The following SLC9C2 variants were observed in gnomAD, a reference collection of about 807,000 sequenced individuals.
The protein encoded by SLC9C2 is sodium/hydrogen exchanger 11.
In SLC9C2, 75 loss-of-function variants were observed where a neutral mutation model predicts 140.2. That is an observed-to-expected ratio of 0.53 (90% CI 0.44 to 0.65). SLC9C2 has a LOEUF of 0.65. Ranked by LOEUF, SLC9C2 falls within the 30% of genes least tolerant of loss-of-function variation. The pLI, the probability that SLC9C2 is intolerant of heterozygous loss-of-function variation, is 0.00. For missense variants in SLC9C2, 1,074 were observed against 1,331.8 expected (o/e 0.81, Z 3.01); for synonymous variants, 375 against 420.9 (o/e 0.89, Z 1.34).
chr1:173,548,680 G>C, intron 11 of SLC9C2, 128 bp from the exon 12 acceptor site: 2 of 963,900 alleles, frequency 2.1e-6, no homozygotes, highest in South Asian at 1.6e-5. Flanking sequence ...TTAGAGCAAG[G>C]ACAATTTTTC....
chr1:173,551,770 A>G (rs1157246773), intron 11 of SLC9C2, among the ~76,000 whole-genome samples: 2 of 152,232 alleles, frequency 1.3e-5, no homozygotes, highest in African/African-American at 4.8e-5. Flanking sequence ...CTATTCCCTG[A>G]GACACACAGT....
At chr1:173,513,415 T>C (rs1660185993) in intron 23 of SLC9C2, among the ~76,000 whole-genome samples, 1 of 152,224 alleles carries the variant, frequency 6.6e-6, no homozygotes, top group Non-Finnish European at 1.5e-5. Context: ...TCCAAGAATT[T>C]ACCCTTTTCT....
At chr1:173,551,121 C>A (rs1248153209) in intron 11 of SLC9C2, among the ~76,000 whole-genome samples, 1 of 152,130 alleles carries the variant, frequency 6.6e-6, no homozygotes, top group Non-Finnish European at 1.5e-5. Flanking sequence ...AACACCCAAG[C>A]AGAGCAGTGT....
intron 26 of SLC9C2, among the ~76,000 whole-genome samples, chr1:173,504,983 TG>T (rs1241178265): frequency 6.6e-6 from 1 of 151,936 alleles, no homozygotes; most frequent in Non-Finnish European, 1.5e-5. Flanking sequence ...AGCAACAGAG[TG>T]CATTGCAGAA....
chr1:173,554,686 T>A (rs1663549399), intron 11 of SLC9C2, 47 bp downstream of exon 11: 1 of 1,202,666 alleles, frequency 8.3e-7, no homozygotes, highest in Non-Finnish European at 1.2e-6. Flanking sequence ...AATAACCTGT[T>A]TGTATTATTC....
chr1:173,507,166 CAACA>C (rs1184920452), intron 24 of SLC9C2, 125 bp from the exon 25 acceptor site: 1 of 722,764 alleles, frequency 1.4e-6, no homozygotes. Context: ...CCCCTGGCAC[CAACA>C]GACAGGATTT....
chr1:173,553,187 A>G (rs1465576984), intron 11 of SLC9C2, among the ~76,000 whole-genome samples: 2 of 152,228 alleles, frequency 1.3e-5, no homozygotes, highest in East Asian at 3.8e-4. Context: ...TAAAACTTGC[A>G]TGGATGAGGA....
rs544876349 is a variant in SLC9C2, at chr1:173,520,229, G to A, written c.2739+1072C>T. 1.2e-4 allele frequency among the ~76,000 whole-genome samples: 18 copies of A among 152,212 alleles called. 1 individual carries two copies. The highest frequency in any genetic ancestry group is 3.1e-4 in the African/African-American group (13 of 41,532). On this transcript the variant is annotated intron_variant, in intron 22 of 27. Coordinates refer to ENST00000367714, the MANE Select transcript of SLC9C2 (RefSeq NM_178527.4). ...ATTATAGACATATGCCACCATGCCC[G>A]GCTAATTTGTGTATTTTTAGTAGAG...
At chr1:173,506,737 A>G in intron 25 of SLC9C2, 119 bp downstream of exon 25, 2 of 786,912 alleles carry the variant, frequency 2.5e-6, no homozygotes, top group Admixed American at 3.0e-5. Context: ...GTAAAAGGCA[A>G]GTAAGAACTA....
intron 13 of SLC9C2, 48 bp downstream of exon 13, chr1:173,547,641 G>C (rs756086149): frequency 1.5e-5 from 21 of 1,391,652 alleles, no homozygotes. Context: ...AAGGATCAAA[G>C]ACATTGCAAG....
chr1:173,560,069 T>C (rs192986857), intron 9 of SLC9C2, among the ~76,000 whole-genome samples: 52 of 152,334 alleles, frequency 3.4e-4, no homozygotes, highest in African/African-American at 1.2e-3. Flanking sequence ...AAGCCTGGCT[T>C]TCAGAACTGT....
chr1:173,576,806 A>G, intron 7 of SLC9C2, 46 bp from the exon 8 acceptor site: 1 of 1,128,606 alleles, frequency 8.9e-7, no homozygotes, highest in Admixed American at 2.1e-5. Context: ...ATGTATTCAT[A>G]TCTGCACACT....
chr1:173,524,992 A>G, intron 19 of SLC9C2, 65 bp from the exon 20 acceptor site: 2 of 1,441,596 alleles, frequency 1.4e-6, no homozygotes, highest in South Asian at 1.4e-5. Flanking sequence ...TAATATTAGT[A>G]TAATACTGTA....
At chr1:173,568,886 T>C (rs1664668493) in intron 9 of SLC9C2, among the ~76,000 whole-genome samples, 1 of 152,224 alleles carries the variant, frequency 6.6e-6, no homozygotes, top group African/African-American at 2.4e-5. Flanking sequence ...TGTGTGTACC[T>C]ACTATTACCA....
chr1:173,554,658 G>A (rs2102087972), intron 11 of SLC9C2, 75 bp downstream of exon 11: 2 of 882,806 alleles, frequency 2.3e-6, no homozygotes, highest in Middle Eastern at 4.4e-4. Context: ...CATGAGAAAT[G>A]TCCCCATGAC....
At chr1:173,507,902 T>G (rs1659770564) in intron 24 of SLC9C2, among the ~76,000 whole-genome samples, 1 of 152,146 alleles carries the variant, frequency 6.6e-6, no homozygotes, top group South Asian at 2.1e-4. Context: ...TTGTGGTACT[T>G]TGTTACAGCC....
chr1:173,577,234 T>C (rs1244917457), intron 7 of SLC9C2, among the ~76,000 whole-genome samples: 1 of 152,210 alleles, frequency 6.6e-6, no homozygotes, highest in Admixed American at 6.5e-5. Flanking sequence ...ATAGGGCTAA[T>C]GGAAAATAAG....
At chr1:173,548,649 A>T (rs778574408) in intron 11 of SLC9C2, 97 bp from the exon 12 acceptor site, 31 of 1,342,182 alleles carry the variant, frequency 2.3e-5, no homozygotes, top group Non-Finnish European at 3.1e-5. Flanking sequence ...AAATCTTGAG[A>T]TCACCTGCAA....
intron 23 of SLC9C2, among the ~76,000 whole-genome samples, chr1:173,514,063 A>G (rs755488098): frequency 1.3e-4 from 20 of 152,328 alleles, no homozygotes; most frequent in Non-Finnish European, 2.8e-4. Context: ...TTTGCCAAGG[A>G]GTGTTTTACT....
Sources: gnomAD v4.1 joint callset for allele counts (sites outside exome capture counted in the v4.1 genomes callset) on GRCh38, gnomAD v4.1.1 for gene constraint, MANE v1.5 for transcripts, NCBI Gene and HGNC (gene_info 2026-07-23, HGNC 2026-07-21) for gene names.